Variants in TAC1 observed in about 807,000 individuals in gnomAD.
TAC1 encodes tachykinin precursor 1.
TAC1 carries 12 observed loss-of-function variants against 21.7 expected under a neutral mutation model. The ratio of observed to expected loss-of-function variants is 0.55; its 90% CI spans 0.35 to 0.89. The LOEUF (loss-of-function observed/expected upper bound fraction) is 0.89, where lower values mean the gene tolerates loss of function less well. Ranked by LOEUF, TAC1 falls within the 40% of genes least tolerant of loss-of-function variation. The pLI, the probability that TAC1 is intolerant of heterozygous loss-of-function variation, is 0.01. For synonymous variants in TAC1, 52 were observed against 52.0 expected, an observed-to-expected ratio of 1.00 and a Z score of 0.00; for missense variants, 128 against 151.4, an observed-to-expected ratio of 0.85 and a Z score of 0.81.
chr7:97,740,071 A>T lies in TAC1; in HGVS notation c.*151A>T. The T allele has an allele frequency of 1.8e-6, 1 of 548,004 alleles. No homozygotes were observed. The allele number at this position is 548,004 out of a possible 1,614,324, so 33.9% of individuals were successfully genotyped here. A position where few individuals can be genotyped will look rare whatever the true frequency, so the allele number is the denominator to read the frequency against. Reference sequence around the variant, plus strand: ...AAGTGTTTATTTTTCATATTGTGCCAATATGTATTGTAAACATGTGTTTTA... The same window carrying T: ...AAGTGTTTATTTTTCATATTGTGCCTATATGTATTGTAAACATGTGTTTTA... On this transcript the variant is annotated 3_prime_UTR_variant, in exon 7 of 7. Transcript: ENST00000319273.
rs780592590 is a variant in TAC1 at position 97,733,709 on chromosome 7, C to T, written c.124-14C>T. On this transcript the variant is annotated splice_polypyrimidine_tract_variant and intron_variant, in intron 2 of 6. Coordinates refer to ENST00000319273, the MANE Select transcript of TAC1 (RefSeq NM_003182.3). ...TTGCCTTACACGCCCTTTGTCCGTG[C>T]TTTTGTCTCCCAGGAGGAACTGCCG... The T allele has an allele frequency of 1.2e-6, 2 of 1,613,686 alleles. No individual in the cohort carries two copies. Among genetic ancestry groups the T allele is most frequent in the East Asian group, 2.2e-5 (1 of 44,814 alleles).
At chr7:97,735,279 T>C (rs998197961) in intron 5 of TAC1, among the ~76,000 whole-genome samples, 3 of 152,188 alleles carry the variant, frequency 2.0e-5, no homozygotes, top group Non-Finnish European at 4.4e-5. Context: ...ATGTCATTTA[T>C]TAGGGTCATC....
chr7:97,734,004 G>A, intron 3 of TAC1, 185 bp downstream of exon 3: 1 of 699,532 alleles, frequency 1.4e-6, no homozygotes, highest in South Asian at 1.9e-5. Context: ...GGGAGGGAAA[G>A]ATCTGGTTCG....
intron 6 of TAC1, 53 bp from the exon 7 acceptor site, chr7:97,739,821 A>G: frequency 8.0e-6 from 11 of 1,370,510 alleles, no homozygotes; most frequent in Non-Finnish European, 1.1e-5. Context: ...TTAGTTGTGT[A>G]ACTCCCTCAG....
chr7:97,740,270 T>C lies in TAC1; in HGVS notation c.*350T>C, dbSNP rs117208010. On this transcript the variant is annotated 3_prime_UTR_variant, in exon 7 of 7. Coordinates refer to ENST00000319273, the MANE Select transcript of TAC1 (RefSeq NM_003182.3). ...AAAAGGAAGGAAACTCCTGACAGTC[T>C]TGTGCTTTTCCTATTTGTTTTCATG... 43 of 169,868 alleles carry C rather than the reference T, an allele frequency of 2.5e-4. No homozygotes were observed. The East Asian group carries it at 6.6e-3, about 26-fold the overall frequency. The allele number at this position is 169,868 out of a possible 1,614,324, so 10.5% of individuals were successfully genotyped here.
intron 4 of TAC1, 96 bp from the exon 5 acceptor site, chr7:97,734,730 T>C: frequency 1.1e-6 from 1 of 930,846 alleles, no homozygotes; most frequent in Non-Finnish European, 1.6e-6. Context: ...TAGAAAATGT[T>C]ACATATTTTG....
intron 3 of TAC1, 31 bp from the exon 4 acceptor site, chr7:97,734,217 A>T: frequency 6.2e-7 from 1 of 1,609,520 alleles, no homozygotes; most frequent in South Asian, 1.1e-5. Context: ...TCAGTGGAAC[A>T]TGTAGTTAAT....
chr7:97,737,439 A>G (rs992141192), intron 6 of TAC1, among the ~76,000 whole-genome samples: 6 of 151,922 alleles, frequency 3.9e-5, no homozygotes, highest in African/African-American at 1.4e-4. Flanking sequence ...TGTGAAATGT[A>G]AGACTTGGGT....
intron 2 of TAC1, 93 bp from the exon 3 acceptor site, chr7:97,733,630 G>C (rs1248468199): frequency 2.3e-6 from 3 of 1,286,124 alleles, no homozygotes; most frequent in East Asian, 2.4e-5. Flanking sequence ...CCCACGCCTC[G>C]GGGCCGGAGT....
chr7:97,733,542 A>C (rs539478451), intron 2 of TAC1, among the ~76,000 whole-genome samples, 181 bp from the exon 3 acceptor site: 28 of 151,446 alleles, frequency 1.8e-4, no homozygotes, highest in Admixed American at 1.6e-3. Context: ...GCGGGACGCG[A>C]GTTCGGCGGG....
Position 97,736,006 on chromosome 7 carries a change from A to T in TAC1, c.290-293A>T, listed in dbSNP as rs1011339051. ...TCCTAAAAAATCAAACCTAGCTCAA[A>T]TAACAATATTTTATATAAAATATTT... is the stretch of plus-strand genomic sequence containing the variant. On this transcript the variant is annotated intron_variant, in intron 5 of 6. Coordinates refer to ENST00000319273, the MANE Select transcript of TAC1 (RefSeq NM_003182.3). 2.0e-5 allele frequency among the ~76,000 whole-genome samples: 3 copies of T among 152,108 alleles called. No homozygotes were observed. The East Asian group carries it at 5.8e-4, about 29-fold the overall frequency.
In TAC1 at chr7:97,732,550, C is replaced by T. The variant is rs1191676974; in HGVS notation, c.-9-54C>T. The T allele has an allele frequency of 1.9e-6, 3 of 1,604,234 alleles. No individual in the cohort carries two copies. The African/African-American group carries it at 4.0e-5, about 21-fold the overall frequency. ...TGCTTTAACTCTTGGATAACCACCC[C>T]TAATAGATACATTATTTCTCTCTTT... On this transcript the variant is annotated intron_variant, in intron 1 of 6. Transcript: ENST00000319273. This position sits in a 1 kb window ranked among gnomAD's most constrained non-coding sequence, Gnocchi z 6.2.
At chr7:97,733,894 G>C in intron 3 of TAC1, 75 bp downstream of exon 3, 1 of 1,408,742 alleles carries the variant, frequency 7.1e-7, no homozygotes, top group South Asian at 1.2e-5. Context: ...AGTACCCCAG[G>C]GTCTCTCGCT....
intron 6 of TAC1, among the ~76,000 whole-genome samples, chr7:97,737,504 A>T (rs146332705): frequency 1.3e-5 from 2 of 151,998 alleles, no homozygotes; most frequent in East Asian, 3.8e-4. Context: ...CAATAGAAAA[A>T]AAAAGTTAAC....
intron 5 of TAC1, 34 bp from the exon 6 acceptor site, chr7:97,736,265 A>T: frequency 6.4e-7 from 1 of 1,568,318 alleles, no homozygotes. Context: ...TCAAAGATAT[A>T]CATATTAAAA....
intron 5 of TAC1, 61 bp downstream of exon 5, chr7:97,734,910 CTTTA>C (rs1789547946): frequency 1.2e-5 from 16 of 1,290,530 alleles, no homozygotes; most frequent in East Asian, 9.9e-5. Context: ...TTGAATTTCA[CTTTA>C]TTTATCTTAC....
chr7:97,737,077 C>A (rs1056360061), intron 6 of TAC1, among the ~76,000 whole-genome samples: 1 of 151,914 alleles, frequency 6.6e-6, no homozygotes, highest in African/African-American at 2.4e-5. Context: ...TTTGTAAATA[C>A]CACGTACATA....
intron 2 of TAC1, among the ~76,000 whole-genome samples, chr7:97,733,314 G>A (rs1449120484): frequency 6.6e-6 from 1 of 152,126 alleles, no homozygotes; most frequent in Non-Finnish European, 1.5e-5. Flanking sequence ...GTAAAGCGTT[G>A]TCACCCTTCC....
intron 3 of TAC1, 96 bp from the exon 4 acceptor site, chr7:97,734,151 GT>G (rs2115834068): frequency 1.6e-6 from 2 of 1,212,178 alleles, no homozygotes; most frequent in East Asian, 4.7e-5. Context: ...ATTCCCTGAG[GT>G]GAGAGTACAT....
Sources: allele counts gnomAD v4.1 joint callset (sites outside exome capture counted in the v4.1 genomes callset), GRCh38; gene constraint gnomAD v4.1.1; non-coding constraint Gnocchi (gnomAD v3.1); transcripts MANE v1.5; gene names NCBI Gene and HGNC (gene_info 2026-07-23, HGNC 2026-07-21).